The following CNOT4 variants were observed in gnomAD, a reference collection of about 807,000 sequenced individuals.
The protein encoded by CNOT4 is CCR4-associated factor 4.
A neutral mutation model predicts 73.8 loss-of-function variants in CNOT4; 8 were observed. The ratio of observed to expected loss-of-function variants is 0.11; its 90% CI spans 0.06 to 0.20. CNOT4 has a LOEUF of 0.20. Ranked by LOEUF, CNOT4 falls within the 10% of genes least tolerant of loss-of-function variation. The probability of loss-of-function intolerance (pLI) is 1.00; values close to 1 mark genes in which losing one functional copy is unlikely to be tolerated. For synonymous variants in CNOT4, 293 were observed against 321.1 expected, an observed-to-expected ratio of 0.91 and a Z score of 0.94; for missense variants, 564 against 883.4, an observed-to-expected ratio of 0.64 and a Z score of 4.58.
At chr7:135,483,777 T>C (rs527760473) in intron 1 of CNOT4, among the ~76,000 whole-genome samples, 9 of 152,096 alleles carry the variant, frequency 5.9e-5, no homozygotes, top group African/African-American at 1.2e-4. Flanking sequence ...AACTGCACCA[T>C]TGCACTCCAG....
intron 10 of CNOT4, among the ~76,000 whole-genome samples, chr7:135,369,256 A>T (rs1405181844): frequency 6.6e-6 from 1 of 152,188 alleles, no homozygotes; most frequent in African/African-American, 2.4e-5. Context: ...CCCAAACAAG[A>T]CAATTCCAGT....
intron 1 of CNOT4, among the ~76,000 whole-genome samples, chr7:135,507,052 T>C (rs1016442735): frequency 3.9e-5 from 6 of 152,080 alleles, no homozygotes; most frequent in African/African-American, 1.4e-4. Context: ...GCACACAAAA[T>C]CATTTTTAAA....
chr7:135,371,076 T>C (rs916768212), intron 10 of CNOT4, among the ~76,000 whole-genome samples: 3 of 152,374 alleles, frequency 2.0e-5, no homozygotes, highest in Non-Finnish European at 1.5e-5. Flanking sequence ...TCACTCACTA[T>C]GCACTTTATG....
At chr7:135,383,937 A>G (rs1196824146) in intron 10 of CNOT4, among the ~76,000 whole-genome samples, 1 of 151,912 alleles carries the variant, frequency 6.6e-6, no homozygotes, top group Non-Finnish European at 1.5e-5. Flanking sequence ...TCCCCTTTTA[A>G]CCAAACACTC....
intron 1 of CNOT4, among the ~76,000 whole-genome samples, chr7:135,446,108 C>T (rs927337136): frequency 3.3e-5 from 5 of 152,020 alleles, no homozygotes; most frequent in Admixed American, 1.3e-4. Context: ...TCTTGAACTC[C>T]GGGCTCAAGT....
chr7:135,414,875 A>T (rs1230403648), intron 4 of CNOT4, among the ~76,000 whole-genome samples: 6 of 152,158 alleles, frequency 3.9e-5, no homozygotes. Flanking sequence ...AAAATATTAC[A>T]GATTAGAAAT....
chr7:135,454,155 T>C (rs1257942907), intron 1 of CNOT4, among the ~76,000 whole-genome samples: 2 of 151,926 alleles, frequency 1.3e-5, no homozygotes, highest in South Asian at 2.1e-4. Context: ...TGTTCCTCTC[T>C]AATCTCCATG....
chr7:135,413,584 A>G lies in CNOT4; in HGVS notation c.591T>C (p.Ser197=). The G allele has an allele frequency of 6.2e-7, 1 of 1,611,318 alleles. No individual in the cohort carries two copies. Among genetic ancestry groups the G allele is most frequent in the Non-Finnish European group, 8.5e-7 (1 of 1,177,996 alleles). The change falls in exon 6 of 12, where the codon AGT becomes AGC. Residue 197 remains serine (S), a synonymous_variant. Coordinates refer to ENST00000541284, the MANE Select transcript of CNOT4 (RefSeq NM_001190850.2). ...GACACTGCATATTCTTTAAGAAGTA[A>G]CTGCAGTATTTTGTTGTACCTAGAG... ...KASLGTTKYC[S]YFLKNMQCPK...
intron 1 of CNOT4, among the ~76,000 whole-genome samples, chr7:135,454,694 C>A (rs1800414048): frequency 6.6e-6 from 1 of 151,848 alleles, no homozygotes; most frequent in Non-Finnish European, 1.5e-5. Flanking sequence ...GAGCTTGAGA[C>A]CAGCCTGGGC....
rs2129482265 is a variant in CNOT4 at position 135,362,371 on chromosome 7, T to C, written c.*514A>G. 5.8e-6 allele frequency: 1 copy of C among 171,338 alleles called. No homozygotes were observed. Among genetic ancestry groups the C allele is most frequent in the Non-Finnish European group, 1.3e-5 (1 of 78,596 alleles). 10.6% of individuals were successfully genotyped at this position (171,338 alleles called of 1,614,324 possible). ...ACTTGCCAAAAGAATTAAAAATTAA[T>C]TTAAATTAAAAGCATTTTCCCTGCA... is the stretch of plus-strand genomic sequence containing the variant. On this transcript the variant is annotated 3_prime_UTR_variant, in exon 12 of 12. Coordinates refer to ENST00000541284, the MANE Select transcript of CNOT4 (RefSeq NM_001190850.2).
intron 10 of CNOT4, among the ~76,000 whole-genome samples, chr7:135,390,715 A>G (rs1480224747): frequency 6.6e-6 from 1 of 152,174 alleles, no homozygotes; most frequent in Non-Finnish European, 1.5e-5. Context: ...AATTCACTGA[A>G]CAAACCAAAA....
intron 7 of CNOT4, among the ~76,000 whole-genome samples, chr7:135,404,760 AT>A (rs1317361302): frequency 2.0e-5 from 3 of 152,140 alleles, no homozygotes; most frequent in Non-Finnish European, 4.4e-5. Context: ...CTCAAATGTA[AT>A]AAAAATCGAT....
At chr7:135,476,177 GAGA>G (rs2129486998) in intron 1 of CNOT4, among the ~76,000 whole-genome samples, 1 of 152,246 alleles carries the variant, frequency 6.6e-6, no homozygotes, top group South Asian at 2.1e-4. Flanking sequence ...TGTCCAATGG[GAGA>G]AGATTTTCCT....
At chr7:135,384,535 T>C in intron 10 of CNOT4, 1 of 637,058 alleles carries the variant, frequency 1.6e-6, no homozygotes. Flanking sequence ...TCTGCCTGCC[T>C]TGGCCTCCCA....
At chr7:135,463,006 T>C (rs1386881281) in intron 1 of CNOT4, among the ~76,000 whole-genome samples, 2 of 152,234 alleles carry the variant, frequency 1.3e-5, no homozygotes, top group Non-Finnish European at 2.9e-5. Context: ...ACTGCTTGTT[T>C]TTGTCAGCTT....
chr7:135,462,206 A>G (rs908619968), intron 1 of CNOT4, among the ~76,000 whole-genome samples: 1 of 152,152 alleles, frequency 6.6e-6, no homozygotes, highest in African/African-American at 2.4e-5. Context: ...TACAACTTTT[A>G]TAATATTACC....
intron 2 of CNOT4, among the ~76,000 whole-genome samples, chr7:135,426,026 C>G (rs1409985575): frequency 2.0e-5 from 3 of 151,612 alleles, no homozygotes; most frequent in Non-Finnish European, 4.4e-5. Flanking sequence ...GCCTGAGCAA[C>G]ACAGTGAGAC....
chr7:135,506,677 G>A (rs945288072), intron 1 of CNOT4, among the ~76,000 whole-genome samples: 4 of 151,778 alleles, frequency 2.6e-5, no homozygotes, highest in African/African-American at 9.7e-5. Context: ...GTGAAACCCC[G>A]TCTCCACTAA....
intron 2 of CNOT4, among the ~76,000 whole-genome samples, chr7:135,426,847 C>T (rs1446481901): frequency 2.0e-5 from 3 of 150,430 alleles, no homozygotes; most frequent in Admixed American, 6.6e-5. Context: ...CGCTTGAACC[C>T]GGGAGATGGA....
Sources: allele counts gnomAD v4.1 joint callset (sites outside exome capture counted in the v4.1 genomes callset), GRCh38; gene constraint gnomAD v4.1.1; transcripts MANE v1.5; gene names NCBI Gene and HGNC (gene_info 2026-07-23, HGNC 2026-07-21).